WDR35: variants seen among roughly 807,000 people sequenced by gnomAD.
WDR35 encodes WD repeat domain 35, also known as WD repeat-containing protein 35.
In WDR35, 118 loss-of-function variants were observed where a neutral mutation model predicts 158.3. The ratio of observed to expected loss-of-function variants is 0.75; its 90% confidence interval spans 0.64 to 0.87. The LOEUF (loss-of-function observed/expected upper bound fraction) is 0.87, where lower values mean the gene tolerates loss of function less well. WDR35 is among the 40% of genes least tolerant of loss of function. The pLI, the probability that WDR35 is intolerant of heterozygous loss-of-function variation, is 0.00. For synonymous variants in WDR35, 448 were observed against 476.1 expected (o/e 0.94, Z 0.77); for missense variants, 1,263 against 1,405.8 (o/e 0.90, Z 1.62).
intron 13 of WDR35, among the ~76,000 whole-genome samples, 192 bp from the exon 14 acceptor site, chr2:19,948,409 C>A (rs1027882776): frequency 6.6e-6 from 1 of 152,146 alleles, no homozygotes; most frequent in African/African-American, 2.4e-5. Context: ...TCTTCATCTT[C>A]AGAGATTACT....
intron 25 of WDR35, among the ~76,000 whole-genome samples, chr2:19,923,245 G>A (rs188139446): frequency 9.2e-5 from 14 of 152,236 alleles, no homozygotes; most frequent in African/African-American, 2.9e-4. Context: ...CTCCCCGACC[G>A]AGCTGGTCTC....
In WDR35 at chr2:19,978,834, A is replaced by G. The variant is rs1339118009; in HGVS notation, c.353T>C (p.Val118Ala). Reference protein sequence around the residue: ...EMINNRNKSVVRSMSWNADGQ... With the variant: ...EMINNRNKSVARSMSWNADGQ... ...GTCAGCATTCCAGCTCATACTGCGA[A>G]CAACTGATTTATTTCGATTGTTGAT... is the stretch of plus-strand genomic sequence containing the variant. Residue 118 changes from valine to alanine, a missense_variant, in exon 5 of 27, where the codon GTT becomes GCT. Coordinates refer to ENST00000281405, the MANE Select transcript of WDR35 (RefSeq NM_020779.4). 6.2e-7 allele frequency: 1 copy of G among 1,613,894 alleles called. No homozygotes were observed. Among genetic ancestry groups the G allele is most frequent in the Non-Finnish European group, 8.5e-7 (1 of 1,179,872 alleles).
chr2:19,922,978 T>C (rs1670225852), intron 25 of WDR35, among the ~76,000 whole-genome samples: 1 of 152,252 alleles, frequency 6.6e-6, no homozygotes, highest in Non-Finnish European at 1.5e-5. Flanking sequence ...CTTAAGGACA[T>C]GCTCCTGCTG....
chr2:19,961,212 G>C (rs1671639800), intron 10 of WDR35, among the ~76,000 whole-genome samples: 1 of 152,264 alleles, frequency 6.6e-6, no homozygotes, highest in Non-Finnish European at 1.5e-5. Context: ...AAAGAAATCA[G>C]CAGTCTACAA....
chr2:19,979,698 G>C (rs1227708690), intron 4 of WDR35, among the ~76,000 whole-genome samples: 1 of 151,590 alleles, frequency 6.6e-6, no homozygotes, highest in Non-Finnish European at 1.5e-5. Context: ...CTGAGACCCA[G>C]AGAAGACCTG....
At chr2:19,921,121 G>C (rs141588204) in intron 25 of WDR35, among the ~76,000 whole-genome samples, 3,617 of 152,276 alleles carry the variant, frequency 0.024, 55 homozygotes, top group Non-Finnish European at 0.039. Flanking sequence ...CTCATGGATA[G>C]GAAGAACCAA....
chr2:19,953,529 GAAT>G (rs1454564973), intron 12 of WDR35, among the ~76,000 whole-genome samples: 3 of 152,158 alleles, frequency 2.0e-5, no homozygotes, highest in Non-Finnish European at 2.9e-5. Flanking sequence ...GATCTCAAGT[GAAT>G]AATCATATTT....
chr2:19,936,315 A>G lies in WDR35; in HGVS notation c.2318T>C (p.Leu773Pro), dbSNP rs1670695456. 1 of 1,613,950 alleles carries G rather than the reference A, an allele frequency of 6.2e-7. No individual in the cohort carries two copies. Among genetic ancestry groups the G allele is most frequent in the Non-Finnish European group, 8.5e-7 (1 of 1,179,972 alleles). Reference protein sequence around the residue: ...RLKLGDWFRVLQLLKTGSGDA... With the variant: ...RLKLGDWFRVPQLLKTGSGDA... ...ACCAGATCCAGTTTTCAGGAGCTGGAGTACTCTAAACCAATCCCCCAATTT... is the reference window on the plus strand; with the variant it reads ...ACCAGATCCAGTTTTCAGGAGCTGGGGTACTCTAAACCAATCCCCCAATTT... The change falls in exon 20 of 27, where the codon CTC becomes CCC. Residue 773 changes from leucine (L) to proline (P), a missense_variant. Leu to Pro is a moderately conservative substitution (Grantham distance 98). Transcript: ENST00000281405.
chr2:19,947,624 C>T (rs1671100653), intron 14 of WDR35, among the ~76,000 whole-genome samples: 2 of 152,108 alleles, frequency 1.3e-5, no homozygotes, highest in Non-Finnish European at 2.9e-5. Flanking sequence ...AAACATGTTA[C>T]CTCGTCATTC....
rs1189752293 is a variant in WDR35 at position 19,960,571 on chromosome 2, G to T, written c.1238C>A (p.Pro413His). The change falls in exon 11 of 27, where the codon CCC becomes CAC. Residue 413 changes from proline to histidine, a missense_variant. Physicochemically the swap from Pro to His is moderately conservative, Grantham distance 77. Transcript: ENST00000281405. ...LCNSIGTPLD[P>H]KYIDIVPLFV... Reference sequence around the variant, plus strand: ...TTCCTTACCAATATCAATGTATTTGGGATCCAAGGGTGTACCAATAGAATT... The same window carrying T: ...TTCCTTACCAATATCAATGTATTTGTGATCCAAGGGTGTACCAATAGAATT... 2 of 1,608,890 alleles carry T rather than the reference G, an allele frequency of 1.2e-6. No homozygotes were observed. The highest frequency in any genetic ancestry group is 8.5e-7 in the Non-Finnish European group (1 of 1,176,524).
At chr2:19,920,064 A>C (rs188978194) in intron 25 of WDR35, among the ~76,000 whole-genome samples, 4 of 152,324 alleles carry the variant, frequency 2.6e-5, no homozygotes, top group Non-Finnish European at 2.9e-5. Flanking sequence ...ATCAATAACA[A>C]GTTCTGAAAT....
chr2:19,963,578 G>C (rs1039716550), intron 10 of WDR35, among the ~76,000 whole-genome samples: 16 of 151,750 alleles, frequency 1.1e-4, no homozygotes, highest in African/African-American at 3.9e-4. Flanking sequence ...CTTCCTCACT[G>C]GTGTCCACTC....
At chr2:19,937,201 C>T (rs1670722851) in intron 19 of WDR35, among the ~76,000 whole-genome samples, 1 of 152,212 alleles carries the variant, frequency 6.6e-6, no homozygotes, top group African/African-American at 2.4e-5. Context: ...CTAAGATTAT[C>T]TGCTTTCATA....
At chr2:19,948,054 C>G in intron 14 of WDR35, 110 bp downstream of exon 14, 1 of 854,034 alleles carries the variant, frequency 1.2e-6, no homozygotes, top group Non-Finnish European at 1.8e-6. Flanking sequence ...CCTCCTGCTT[C>G]AGCTTCCCAA....
At chr2:19,924,333 G>T (rs561109373) in intron 25 of WDR35, among the ~76,000 whole-genome samples, 9 of 152,200 alleles carry the variant, frequency 5.9e-5, no homozygotes, top group African/African-American at 2.2e-4. Flanking sequence ...GGGAGGCTGA[G>T]GGGGGTGGAT....
chr2:19,966,257 CAT>C (rs1445808943), intron 10 of WDR35, among the ~76,000 whole-genome samples: 1 of 152,078 alleles, frequency 6.6e-6, no homozygotes, highest in Admixed American at 6.6e-5. Context: ...TTTAAAAAGA[CAT>C]ATTTATATTA....
At chr2:19,974,701 TA>T in intron 6 of WDR35, 68 bp from the exon 7 acceptor site, 1 of 1,405,084 alleles carries the variant, frequency 7.1e-7, no homozygotes, top group East Asian at 2.5e-5. Context: ...CAATACTCAA[TA>T]GAGTATTGTA....
At chr2:19,953,222 T>C (rs1671306950) in intron 12 of WDR35, among the ~76,000 whole-genome samples, 1 of 152,168 alleles carries the variant, frequency 6.6e-6, no homozygotes, top group Non-Finnish European at 1.5e-5. Flanking sequence ...ACACAGTAAA[T>C]GCTTCTTCAC....
In WDR35 at chr2:19,934,970, C is replaced by T. The variant is rs946004915; in HGVS notation, c.2547+501G>A. ...AACACATAAAATACAAACTTATTTA[C>T]AGTATTCAACAATTAATTAAGAGGC... On this transcript the variant is annotated intron_variant, in intron 21 of 26. Coordinates refer to ENST00000281405, the MANE Select transcript of WDR35 (RefSeq NM_020779.4). The surrounding 1 kb of genome is among the most constrained non-coding windows in gnomAD (Gnocchi z 4.6). 3 of 153,558 alleles carry T rather than the reference C, an allele frequency of 2.0e-5. No homozygotes were observed. Among genetic ancestry groups the T allele is most frequent in the Non-Finnish European group, 4.3e-5 (3 of 69,248 alleles). 9.5% of individuals were successfully genotyped at this position (153,558 alleles called of 1,614,324 possible). A position where few individuals can be genotyped will look rare whatever the true frequency, so the allele number is the denominator to read the frequency against.
Sources: gnomAD v4.1 joint callset for allele counts (sites outside exome capture counted in the v4.1 genomes callset) on GRCh38, gnomAD v4.1.1 for gene constraint, Gnocchi (gnomAD v3.1) non-coding constraint, MANE v1.5 for transcripts, NCBI Gene and HGNC (gene_info 2026-07-23, HGNC 2026-07-21) for gene names.